Variants in HYAL2 observed in about 807,000 individuals in gnomAD.
The protein encoded by HYAL2 is hyaluronidase-2.
In HYAL2, 30 loss-of-function variants were observed where a neutral mutation model predicts 35.4. That is an observed-to-expected ratio of 0.85 (90% CI 0.63 to 1.15). The LOEUF is 1.15. Among genes scored for constraint, HYAL2 ranks in the 50% most tolerant of loss-of-function variants. The probability of loss-of-function intolerance (pLI) is 0.00; values close to 1 mark genes in which losing one functional copy is unlikely to be tolerated. For synonymous variants in HYAL2, 262 were observed against 252.8 expected, an observed-to-expected ratio of 1.04 and a Z score of -0.34; for missense variants, 635 against 646.5, an observed-to-expected ratio of 0.98 and a Z score of 0.19.
rs782201493 is a variant in HYAL2 at position 50,319,828 on chromosome 3, T to A, written c.662A>T (p.Glu221Val). 2 of 1,613,732 alleles carry A rather than the reference T, an allele frequency of 1.2e-6. No homozygotes were observed. The highest frequency in any genetic ancestry group is 1.7e-6 in the Non-Finnish European group (2 of 1,180,022). The change falls in exon 2 of 4, where the codon GAG becomes GTG. Residue 221 changes from glutamate to valine, a missense_variant. Transcript: ENST00000357750. ...CYNHDYVQNW[E>V]SYTGRCPDVE... is the part of the protein sequence containing the mutation. ...ATCAGGGCAGCGGCCTGTGTAGCTC[T>A]CCCAGTTCTGCACATAATCATGATT...
At position 50,317,941 on chromosome 3, in the gene HYAL2, G is replaced by C. The variant is rs1702592318; in HGVS notation, c.*188C>G. 1.8e-6 allele frequency: 1 copy of C among 566,778 alleles called. No homozygotes were observed. Among genetic ancestry groups the C allele is most frequent in the African/African-American group, 1.9e-5 (1 of 52,376 alleles). The allele number at this position is 566,778 out of a possible 1,614,324, so 35.1% of individuals were successfully genotyped here. A position where few individuals can be genotyped will look rare whatever the true frequency, so the allele number is the denominator to read the frequency against. On this transcript the variant is annotated 3_prime_UTR_variant, in exon 4 of 4. Transcript: ENST00000357750. ...TCCTTCCCCTCTGGCAGGGAGAGAAGGGGCCTCCCAGGGACTTCCCCTCCC... is the reference window on the plus strand; with the variant it reads ...TCCTTCCCCTCTGGCAGGGAGAGAACGGGCCTCCCAGGGACTTCCCCTCCC...
chr3:50,319,495 T>C (rs782095195), intron 2 of HYAL2, 74 bp downstream of exon 2: 34 of 1,309,702 alleles, frequency 2.6e-5, no homozygotes, highest in Admixed American at 1.3e-4. Flanking sequence ...AGTCCTATAG[T>C]GGCCCCTGAT....
rs1553716185 is a variant in HYAL2 at position 50,319,696 on chromosome 3, C to T, written c.794G>A (p.Arg265His). 6.2e-6 allele frequency: 10 copies of T among 1,613,768 alleles called. No individual in the cohort carries two copies. Among genetic ancestry groups the T allele is most frequent in the South Asian group, 1.1e-5 (1 of 91,080 alleles). ...DETLASSRHG[R>H]NFVSFRVQEA... The stretch of plus-strand genomic sequence containing the variant: ...CTGAACACGGAAGCTCACAAAGTTG[C>T]GGCCATGGCGGGAGGAAGCAAGTGT... Residue 265 changes from arginine (R) to histidine (H), a missense_variant, in exon 2 of 4, where the codon CGC becomes CAC. By Grantham distance (29) the Arg-to-His change is conservative (BLOSUM62 0). Coordinates refer to ENST00000357750, the MANE Select transcript of HYAL2 (RefSeq NM_003773.5).
chr3:50,321,930 G>A (rs1424119357), intron 1 of HYAL2: 2 of 152,148 alleles, frequency 1.3e-5, no homozygotes, highest in Admixed American at 6.5e-5. Context: ...CCCTAACGTA[G>A]ACGCCAGCCG....
At position 50,318,611 on chromosome 3, in the gene HYAL2, T is replaced by C; in HGVS notation, c.1012-72A>G. 7.3e-7 allele frequency: 1 copy of C among 1,362,824 alleles called. No homozygotes were observed. The highest frequency in any genetic ancestry group is 1.0e-6 in the Non-Finnish European group (1 of 984,408). The allele number at this position is 1,362,824 out of a possible 1,614,324, so 84.4% of individuals were successfully genotyped here. ...CCCACAGGCCCAGATGGAAACTGTG[T>C]CCACACTGTGATGACTATACCTTAT... On this transcript the variant is annotated intron_variant, in intron 3 of 3. Transcript: ENST00000357750. This position sits in a 1 kb window ranked among gnomAD's most constrained non-coding sequence, Gnocchi z 4.5.
chr3:50,321,761 G>A (rs1553716763), intron 1 of HYAL2: 1 of 146,388 alleles, frequency 6.8e-6, no homozygotes, highest in African/African-American at 2.5e-5. Context: ...CCAGCTCCGC[G>A]GCGCCGCCAG....
At position 50,318,189 on chromosome 3, in the gene HYAL2, A is replaced by G; in HGVS notation, c.1362T>C (p.Ala454=). The G allele has an allele frequency of 6.2e-7, 1 of 1,610,978 alleles. No individual in the cohort carries two copies. The highest frequency in any genetic ancestry group is 8.5e-7 in the Non-Finnish European group (1 of 1,178,692). Residue 454 remains alanine, a synonymous_variant, in exon 4 of 4, where the codon GCT becomes GCC. Coordinates refer to ENST00000357750, the MANE Select transcript of HYAL2 (RefSeq NM_003773.5). The surrounding 1 kb of genome is among the most constrained non-coding windows in gnomAD (Gnocchi z 4.5). ...QAAGGASEAW[A]GSHLTSLLAL... ...CCAGCAGACTGGTGAGGTGGGACCC[A>G]GCCCAGGCCTCGCTGGCACCTCCAG...
rs979539053 is a variant in HYAL2 at position 50,319,152 on chromosome 3, T to C, written c.922-107A>G. The C allele has an allele frequency of 3.8e-5, 27 of 715,450 alleles. 2 individuals carry two copies. The South Asian group carries it at 5.4e-4, about 14-fold the overall frequency. 44.3% of individuals were successfully genotyped at this position (715,450 alleles called of 1,614,324 possible). A position where few individuals can be genotyped will look rare whatever the true frequency, so the allele number is the denominator to read the frequency against. ...TGATTCAACCTGCTGAACTCCCAGC[T>C]CAACCCCCATTTCACGTCCAGGCAG... is the stretch of plus-strand genomic sequence containing the variant. On this transcript the variant is annotated intron_variant, in intron 2 of 3. Coordinates refer to ENST00000357750, the MANE Select transcript of HYAL2 (RefSeq NM_003773.5).
In HYAL2 at chr3:50,319,810, C is replaced by G; in HGVS notation, c.680G>C (p.Cys227Ser). 2 of 1,613,780 alleles carry G rather than the reference C, an allele frequency of 1.2e-6. No homozygotes were observed. Among genetic ancestry groups the G allele is most frequent in the African/African-American group, 2.7e-5 (2 of 75,054 alleles). ...ATTGCGGGCCACCTCAACATCAGGG[C>G]AGCGGCCTGTGTAGCTCTCCCAGTT... ...VQNWESYTGR[C>S]PDVEVARNDQ... is the part of the protein sequence containing the mutation. The change falls in exon 2 of 4, where the codon TGC (cysteine) becomes TCC (serine). Residue 227 changes from cysteine to serine, a missense_variant. Cys to Ser is a moderately radical substitution (Grantham distance 112). Transcript: ENST00000357750.
chr3:50,318,026 G>T lies in HYAL2; in HGVS notation c.*103C>A. On this transcript the variant is annotated 3_prime_UTR_variant, in exon 4 of 4. Coordinates refer to ENST00000357750, the MANE Select transcript of HYAL2 (RefSeq NM_003773.5). This position sits in a 1 kb window ranked among gnomAD's most constrained non-coding sequence, Gnocchi z 4.5. ...CCCTCCTGGGCTTCCTGGGGGCTCT[G>T]CCCACTCCAGACTCCAGTTTGTCCA... 2.3e-6 allele frequency: 3 copies of T among 1,304,806 alleles called. No homozygotes were observed. Among genetic ancestry groups the T allele is most frequent in the Non-Finnish European group, 3.2e-6 (3 of 947,276 alleles). 80.8% of individuals were successfully genotyped at this position (1,304,806 alleles called of 1,614,324 possible).
chr3:50,320,374 G>T lies in HYAL2; in HGVS notation c.116C>A (p.Ala39Glu). Reference sequence around the variant, plus strand: ...ACAGTCCTGTGTGGGCACGTCCCACGCTACCACAAAGGGCCGGCCAGTGAA... The same window carrying T: ...ACAGTCCTGTGTGGGCACGTCCCACTCTACCACAAAGGGCCGGCCAGTGAA... Reference protein sequence around the residue: ...PIFTGRPFVVAWDVPTQDCGP... With the variant: ...PIFTGRPFVVEWDVPTQDCGP... Residue 39 changes from alanine to glutamate, a missense_variant, in exon 2 of 4, where the codon GCG becomes GAG. Physicochemically the swap from Ala to Glu is moderately radical, Grantham distance 107. Transcript: ENST00000357750. The surrounding 1 kb of genome is among the most constrained non-coding windows in gnomAD (Gnocchi z 4.8). The T allele has an allele frequency of 6.2e-7, 1 of 1,613,040 alleles. No homozygotes were observed. The highest frequency in any genetic ancestry group is 8.5e-7 in the Non-Finnish European group (1 of 1,179,576).
Position 50,319,679 on chromosome 3 carries a change from G to A in HYAL2, c.811C>T (p.Arg271Cys), listed in dbSNP as rs782474567. ...SRHGRNFVSFRVQEALRVART... is the reference protein window; with the variant it reads ...SRHGRNFVSFCVQEALRVART... ...GCCACACGAAGGGCCTCCTGAACACGGAAGCTCACAAAGTTGCGGCCATGG... is the reference window on the plus strand; with the variant it reads ...GCCACACGAAGGGCCTCCTGAACACAGAAGCTCACAAAGTTGCGGCCATGG... Residue 271 changes from arginine (R) to cysteine (C), a missense_variant, in exon 2 of 4, where the codon CGT becomes TGT. Arg to Cys is a radical substitution (Grantham distance 180). Transcript: ENST00000357750. 15 of 1,613,984 alleles carry A rather than the reference G, an allele frequency of 9.3e-6. No individual in the cohort carries two copies. Among genetic ancestry groups the A allele is most frequent in the Non-Finnish European group, 1.3e-5 (15 of 1,180,038 alleles).
Position 50,318,661 on chromosome 3 carries a change from C to T in HYAL2, c.1012-122G>A. 1.1e-6 allele frequency: 1 copy of T among 943,636 alleles called. No individual in the cohort carries two copies. The highest frequency in any genetic ancestry group is 1.6e-6 in the Non-Finnish European group (1 of 634,446). 58.5% of individuals were successfully genotyped at this position (943,636 alleles called of 1,614,324 possible). A position where few individuals can be genotyped will look rare whatever the true frequency, so the allele number is the denominator to read the frequency against. The stretch of plus-strand genomic sequence containing the variant: ...TTTTAACTGCACACATTCATACATT[C>T]AATCTGCACCTGAGCCACACAGTCC... On this transcript the variant is annotated intron_variant, in intron 3 of 3. Transcript: ENST00000357750. This position sits in a 1 kb window ranked among gnomAD's most constrained non-coding sequence, Gnocchi z 4.5.
Position 50,318,824 on chromosome 3 carries a change from C to T in HYAL2, c.1011+132G>A. The T allele has an allele frequency of 1.2e-6, 1 of 828,746 alleles. No homozygotes were observed. The highest frequency in any genetic ancestry group is 2.0e-6 in the Non-Finnish European group (1 of 494,994). 51.3% of individuals were successfully genotyped at this position (828,746 alleles called of 1,614,324 possible). On this transcript the variant is annotated intron_variant, in intron 3 of 3. Coordinates refer to ENST00000357750, the MANE Select transcript of HYAL2 (RefSeq NM_003773.5). The surrounding 1 kb of genome is among the most constrained non-coding windows in gnomAD (Gnocchi z 4.5). ...GGCCGGGGTGACCTCCTCCTGTTGC[C>T]ACCAGGGATGCCTCGGGTGGGAGAC...
In HYAL2 at chr3:50,322,745, C is replaced by T. The variant is rs587718086; in HGVS notation, c.-139G>A. The T allele has an allele frequency of 1.3e-5, 2 of 152,344 alleles. No homozygotes were observed. The highest frequency in any genetic ancestry group is 1.3e-4 in the Admixed American group (2 of 15,306). 9.4% of individuals were successfully genotyped at this position (152,344 alleles called of 1,614,324 possible). ...TAGGCTACTTGCGCCAGCTGCTGCC[C>T]GTTGGGCAGCTCGCCGAGGACTTGA... On this transcript the variant is annotated 5_prime_UTR_variant, in exon 1 of 4. Coordinates refer to ENST00000357750, the MANE Select transcript of HYAL2 (RefSeq NM_003773.5). The surrounding 1 kb of genome is among the most constrained non-coding windows in gnomAD (Gnocchi z 5.5).
chr3:50,318,558 G>T lies in HYAL2; in HGVS notation c.1012-19C>A. 2 of 1,584,424 alleles carry T rather than the reference G, an allele frequency of 1.3e-6. No homozygotes were observed. The highest frequency in any genetic ancestry group is 2.3e-5 in the South Asian group (2 of 86,782). On this transcript the variant is annotated intron_variant, in intron 3 of 3. Transcript: ENST00000357750. This position sits in a 1 kb window ranked among gnomAD's most constrained non-coding sequence, Gnocchi z 4.5. ...AGGTCTCCTGGAGGCAGAAGACAAG[G>T]ACCACAGGTCAGGGTCAGCTGCCTC...
Position 50,320,615 on chromosome 3 carries a change from G to T in HYAL2, c.-46-80C>A. The T allele has an allele frequency of 1.1e-6, 1 of 899,184 alleles. No homozygotes were observed. Among genetic ancestry groups the T allele is most frequent in the Non-Finnish European group, 1.6e-6 (1 of 612,006 alleles). 55.7% of individuals were successfully genotyped at this position (899,184 alleles called of 1,614,324 possible). On this transcript the variant is annotated intron_variant, in intron 1 of 3. Coordinates refer to ENST00000357750, the MANE Select transcript of HYAL2 (RefSeq NM_003773.5). This position sits in a 1 kb window ranked among gnomAD's most constrained non-coding sequence, Gnocchi z 4.8. ...CCTCAAGCCCATCTATGCTCCCAAA[G>T]CCCATGCTGTGTGGGGGCACTGTGC...
intron 1 of HYAL2, chr3:50,321,920 C>T (rs1369873895): frequency 1.3e-5 from 2 of 152,148 alleles, no homozygotes; most frequent in Admixed American, 1.3e-4. Context: ...GCTCTGCACC[C>T]CCTAACGTAG....
chr3:50,318,454 C>A lies in HYAL2; in HGVS notation c.1097G>T (p.Ser366Ile). 1 of 1,613,174 alleles carries A rather than the reference C, an allele frequency of 6.2e-7. No homozygotes were observed. Among genetic ancestry groups the A allele is most frequent in the Non-Finnish European group, 8.5e-7 (1 of 1,180,012 alleles). ...CCCATGGCCATGGCACTGGGCCCGG[C>A]TGCAATATTGGGTGGCCCAGGACAC... The part of the protein sequence containing the change: ...VNVSWATQYC[S>I]RAQCHGHGRC... Residue 366 changes from serine to isoleucine, a missense_variant, in exon 4 of 4, where the codon AGC becomes ATC. Coordinates refer to ENST00000357750, the MANE Select transcript of HYAL2 (RefSeq NM_003773.5). This position sits in a 1 kb window ranked among gnomAD's most constrained non-coding sequence, Gnocchi z 4.5.
Sources: allele counts gnomAD v4.1 joint callset, GRCh38; gene constraint gnomAD v4.1.1; non-coding constraint Gnocchi (gnomAD v3.1); transcripts MANE v1.5; gene names NCBI Gene and HGNC (gene_info 2026-07-23, HGNC 2026-07-21).